Variants in PCDHA8 observed in about 807,000 individuals in gnomAD.
PCDHA8 encodes protocadherin alpha 8, also known as protocadherin alpha-8.
Under a neutral mutation model 61.8 loss-of-function variants are expected in PCDHA8, and 53 were observed. The ratio of observed to expected loss-of-function variants is 0.86; its 90% CI spans 0.69 to 1.08. PCDHA8 has a LOEUF of 1.08. PCDHA8 is among the 50% of genes least tolerant of loss of function. The pLI is 0.00. For missense variants in PCDHA8, 1,293 were observed against 1,245.0 expected (o/e 1.04, Z -0.58); for synonymous variants, 618 against 556.6 (o/e 1.11, Z -1.55).
chr5:140,880,889 G>T (rs1554171573), intron 1 of PCDHA8, among the ~76,000 whole-genome samples: 1 of 152,130 alleles, frequency 6.6e-6, no homozygotes, highest in Admixed American at 6.6e-5. Context: ...GAAATGTAGG[G>T]CCAGATAGAA....
At chr5:140,921,868 T>C (rs1037750056) in intron 1 of PCDHA8, among the ~76,000 whole-genome samples, 1 of 152,016 alleles carries the variant, frequency 6.6e-6, no homozygotes, top group Non-Finnish European at 1.5e-5. Context: ...ATATATACAG[T>C]ATATATATAA....
rs112377727 is a variant in PCDHA8, at chr5:140,875,811, G to T, written c.2394+32096G>T. The T allele has an allele frequency of 3.6e-4, 584 of 1,614,186 alleles. 8 individuals are homozygous for T. Among genetic ancestry groups the T allele is most frequent in the South Asian group, 3.4e-3 (314 of 91,084 alleles). On this transcript the variant is annotated intron_variant, in intron 1 of 3. Coordinates refer to ENST00000531613, the MANE Select transcript of PCDHA8 (RefSeq NM_018911.3). ...ACCTGGAGGTGATCGTGGACAGGCC[G>T]CTGCAGGTTTTCCATGTGGACGTGG...
At chr5:141,000,768 A>G (rs1434125702) in intron 3 of PCDHA8, among the ~76,000 whole-genome samples, 43 of 151,864 alleles carry the variant, frequency 2.8e-4, no homozygotes, top group African/African-American at 4.8e-5. Context: ...TTAGCCAGGC[A>G]TAGTGGCGCA....
In PCDHA8 at chr5:140,985,839, A is replaced by G. The variant is rs570244448; in HGVS notation, c.2542+3276A>G. On this transcript the variant is annotated intron_variant, in intron 3 of 3. Coordinates refer to ENST00000531613, the MANE Select transcript of PCDHA8 (RefSeq NM_018911.3). ...ACAACAAGCTCTGCCTCCCGGGTTC[A>G]TGCCACTCTCCTGCCTCAGCCTCCT... Among the ~76,000 whole-genome samples the G allele has an allele frequency of 6.2e-5, 9 of 144,378 alleles. No homozygotes were observed. The East Asian group carries it at 1.9e-3, about 30-fold the overall frequency. 94.7% of individuals were successfully genotyped at this position (144,378 alleles called of 152,430 possible). A position where few individuals can be genotyped will look rare whatever the true frequency, so the allele number is the denominator to read the frequency against.
At chr5:140,915,683 G>A (rs1052949485) in intron 1 of PCDHA8, among the ~76,000 whole-genome samples, 1 of 150,776 alleles carries the variant, frequency 6.6e-6, no homozygotes, top group African/African-American at 2.4e-5. Context: ...TTGAACTAGG[G>A]GTATGGTGAT....
intron 1 of PCDHA8, among the ~76,000 whole-genome samples, chr5:140,938,027 T>C (rs1372788447): frequency 6.6e-6 from 1 of 152,220 alleles, no homozygotes; most frequent in Non-Finnish European, 1.5e-5. Flanking sequence ...TAAAATCTCA[T>C]ATTTTTATAT....
chr5:140,928,066 G>A lies in PCDHA8; in HGVS notation c.2395-50883G>A, dbSNP rs376048656. On this transcript the variant is annotated intron_variant, in intron 1 of 3. Transcript: ENST00000531613. ...CCCTTTTCAGCTGACGGCTTCCTTT[G>A]ACAACTACTACAGCCTGCTGATTGA... 8.7e-6 allele frequency: 14 copies of A among 1,614,036 alleles called. No individual in the cohort carries two copies. In the African/African-American group the frequency reaches 1.9e-4, roughly 22 times the overall value.
At chr5:140,950,195 C>A (rs186601471) in intron 1 of PCDHA8, among the ~76,000 whole-genome samples, 1 of 152,028 alleles carries the variant, frequency 6.6e-6, no homozygotes, top group Non-Finnish European at 1.5e-5. Context: ...AAAAAATAGT[C>A]ATTTCTGTTT....
Position 140,842,918 on chromosome 5 carries a change from T to C in PCDHA8, c.1597T>C (p.Phe533Leu). Residue 533 changes from phenylalanine to leucine, a missense_variant, in exon 1 of 4, where the codon TTC becomes CTC. By Grantham distance (22) the Phe-to-Leu change is conservative. Coordinates refer to ENST00000531613, the MANE Select transcript of PCDHA8 (RefSeq NM_018911.3). Reference sequence around the variant, plus strand: ...CCACGAGGAGCTAGAGCTGCTGCAGTTCCAGGTGAGCGCGCGCGACGCGGG... The same window carrying C: ...CCACGAGGAGCTAGAGCTGCTGCAGCTCCAGGTGAGCGCGCGCGACGCGGG... ...LDHEELELLQ[F>L]QVSARDAGVP... is the part of the protein sequence containing the mutation. The C allele has an allele frequency of 3.8e-6, 6 of 1,594,574 alleles. 1 individual carries two copies. The highest frequency in any genetic ancestry group is 5.1e-6 in the Non-Finnish European group (6 of 1,165,450).
intron 1 of PCDHA8, among the ~76,000 whole-genome samples, chr5:140,935,915 CAG>C (rs2090644404): frequency 7.6e-6 from 1 of 131,048 alleles, no homozygotes; most frequent in Non-Finnish European, 1.6e-5. Flanking sequence ...TTTTTTGAGA[CAG>C]ATTCTCATTC....
At position 140,853,168 on chromosome 5, in the gene PCDHA8, C is replaced by T. The variant is rs2150529261; in HGVS notation, c.2394+9453C>T. 37 of 960,760 alleles carry T rather than the reference C, an allele frequency of 3.9e-5. 1 individual carries two copies. Among genetic ancestry groups the T allele is most frequent in the Admixed American group, 1.3e-4 (2 of 15,838 alleles). 59.5% of individuals were successfully genotyped at this position (960,760 alleles called of 1,614,324 possible). On this transcript the variant is annotated intron_variant, in intron 1 of 3. Transcript: ENST00000531613. ...TGCTGGGATTACAGGCGTGAGCCAC[C>T]GCGCCTGGCCTAAAATGTGTTCTTT... is the stretch of plus-strand genomic sequence containing the variant.
chr5:140,942,223 G>A (rs1334170178), intron 1 of PCDHA8, among the ~76,000 whole-genome samples: 4 of 152,064 alleles, frequency 2.6e-5, no homozygotes, highest in African/African-American at 9.7e-5. Flanking sequence ...TTTAAAATGT[G>A]TAGGCAAATA....
At chr5:140,999,398 A>G (rs17119351) in intron 3 of PCDHA8, among the ~76,000 whole-genome samples, 13,435 of 152,202 alleles carry the variant, frequency 0.088, 686 homozygotes, top group African/African-American at 0.14. Flanking sequence ...TTTGTTTTGC[A>G]TATGAAAGAA....
At chr5:140,882,702 C>T (rs2059269414) in intron 1 of PCDHA8, 1 of 1,614,098 alleles carries the variant, frequency 6.2e-7, no homozygotes, top group African/African-American at 1.3e-5. Flanking sequence ...ATTGCAGAAT[C>T]TAGACCTCCG....
At chr5:141,002,676 T>C (rs2098090585) in intron 3 of PCDHA8, among the ~76,000 whole-genome samples, 1 of 152,196 alleles carries the variant, frequency 6.6e-6, no homozygotes, top group Non-Finnish European at 1.5e-5. Context: ...CCAAAACCTA[T>C]ACGACGTGCA....
In PCDHA8 at chr5:141,007,573, TA is replaced by T. The variant is rs1265481031; in HGVS notation, c.2543-2048del. Among the ~76,000 whole-genome samples, 3 of 151,796 alleles carry T rather than the reference TA, an allele frequency of 2.0e-5. No homozygotes were observed. The East Asian group carries it at 5.8e-4, about 29-fold the overall frequency. On this transcript the variant is annotated intron_variant, in intron 3 of 3. Coordinates refer to ENST00000531613, the MANE Select transcript of PCDHA8 (RefSeq NM_018911.3). ...ACAGAGCAAGGCTCTATCTCAAATTTAAAAAATAATAATCATGATAATAATA... is the reference window on the plus strand; with the variant it reads ...ACAGAGCAAGGCTCTATCTCAAATTTAAAAATAATAATCATGATAATAATA...
intron 1 of PCDHA8, among the ~76,000 whole-genome samples, chr5:140,934,548 ATT>A (rs1290393008): frequency 1.3e-5 from 2 of 152,018 alleles, no homozygotes; most frequent in African/African-American, 2.4e-5. Context: ...TAATTCTATC[ATT>A]TCTTCTTTTT....
chr5:140,889,077 T>G (rs1476404733), intron 1 of PCDHA8, among the ~76,000 whole-genome samples: 1 of 152,076 alleles, frequency 6.6e-6, no homozygotes, highest in Non-Finnish European at 1.5e-5. Flanking sequence ...CTTATTTTGT[T>G]AAATTTTCAA....
chr5:140,873,929 G>C (rs1457405512), intron 1 of PCDHA8, among the ~76,000 whole-genome samples: 3 of 152,138 alleles, frequency 2.0e-5, no homozygotes, highest in African/African-American at 7.2e-5. Flanking sequence ...CCAAAGTGCT[G>C]GGATTACAGG....
Sources: gnomAD v4.1 joint callset for allele counts (sites outside exome capture counted in the v4.1 genomes callset) on GRCh38, gnomAD v4.1.1 for gene constraint, MANE v1.5 for transcripts, NCBI Gene and HGNC (gene_info 2026-07-23, HGNC 2026-07-21) for gene names.